Variants in TMEM132B observed in about 807,000 individuals in gnomAD.
TMEM132B encodes transmembrane protein 132B.
TMEM132B carries 18 observed loss-of-function variants against 90.8 expected under a neutral mutation model. The observed-to-expected ratio is 0.20, with a 90% CI of 0.14 to 0.29. The LOEUF (loss-of-function observed/expected upper bound fraction) is 0.29, where lower values mean the gene tolerates loss of function less well. TMEM132B is among the 10% of genes least tolerant of loss of function. The probability of loss-of-function intolerance (pLI) is 1.00; values close to 1 mark genes in which losing one functional copy is unlikely to be tolerated. For synonymous variants in TMEM132B, 504 were observed against 523.3 expected, an observed-to-expected ratio of 0.96 and a Z score of 0.50; for missense variants, 1,096 against 1,326.8, an observed-to-expected ratio of 0.83 and a Z score of 2.70.
In TMEM132B at chr12:125,439,222, G is replaced by A. The variant is rs181886720; in HGVS notation, c.1106+23545G>A. Among the ~76,000 whole-genome samples the A allele has an allele frequency of 7.4e-4, 112 of 152,138 alleles. 2 individuals carry two copies. The highest frequency in any genetic ancestry group is 1.2e-3 in the Admixed American group (19 of 15,284). On this transcript the variant is annotated intron_variant, in intron 3 of 8. Transcript: ENST00000682704. ...TGAAGAATGTGGTTTGATAGGAAGA[G>A]CATTGAATAGCATTGAATCTGCACA...
chr12:125,254,131 A>G (rs1874376164), intron 1 of TMEM132B, among the ~76,000 whole-genome samples: 1 of 152,122 alleles, frequency 6.6e-6, no homozygotes. Context: ...CTCTACAAAA[A>G]ATGCAGAAAT....
rs192119657 is a variant in TMEM132B, at chr12:125,414,360, T to G, written c.960-1171T>G. 1.3e-4 allele frequency among the ~76,000 whole-genome samples: 20 copies of G among 152,302 alleles called. No homozygotes were observed. The East Asian group carries it at 3.5e-3, about 26-fold the overall frequency. The stretch of plus-strand genomic sequence containing the variant: ...GCTGCTATGTGTGGATTTGATTAAT[T>G]AATCTTGGAGGTAATCTTTGCTTCC... On this transcript the variant is annotated intron_variant, in intron 2 of 8. Coordinates refer to ENST00000682704, the MANE Select transcript of TMEM132B (RefSeq NM_001366854.1).
intron 3 of TMEM132B, among the ~76,000 whole-genome samples, chr12:125,447,312 A>G (rs1457317814): frequency 6.6e-6 from 1 of 152,136 alleles, no homozygotes; most frequent in Non-Finnish European, 1.5e-5. Context: ...GAAGGATGAA[A>G]TAATTAAATA....
At chr12:125,203,803 T>C (rs2136059291) in intron 1 of TMEM132B, among the ~76,000 whole-genome samples, 1 of 152,332 alleles carries the variant, frequency 6.6e-6, no homozygotes, top group African/African-American at 2.4e-5. Context: ...GTATACACTA[T>C]CTATAGGGCA....
chr12:125,289,839 G>T (rs576037700), intron 1 of TMEM132B, among the ~76,000 whole-genome samples: 8 of 152,188 alleles, frequency 5.3e-5, no homozygotes, highest in Non-Finnish European at 1.2e-4. Context: ...CACTGTCTCT[G>T]GACAGAGGGA....
At chr12:125,467,853 AGCTGT>A (rs1881610096) in intron 3 of TMEM132B, among the ~76,000 whole-genome samples, 1 of 152,238 alleles carries the variant, frequency 6.6e-6, no homozygotes, top group Non-Finnish European at 1.5e-5. Context: ...TGGAATTATA[AGCTGT>A]GTGAACTTTT....
rs563034317 is a variant in TMEM132B at position 125,459,350 on chromosome 12, C to A, written c.1106+43673C>A. Among the ~76,000 whole-genome samples the A allele has an allele frequency of 2.6e-5, 4 of 152,114 alleles. No individual in the cohort carries two copies. The highest frequency in any genetic ancestry group is 9.7e-5 in the African/African-American group (4 of 41,422). On this transcript the variant is annotated intron_variant, in intron 3 of 8. Transcript: ENST00000682704. The surrounding 1 kb of genome is among the most constrained non-coding windows in gnomAD (Gnocchi z 4.1). Reference sequence around the variant, plus strand: ...GCATGCTTGTCTAGGGTCTTGCTGACGAGGGCACGTTTTCTAAAACTACCG... The same window carrying A: ...GCATGCTTGTCTAGGGTCTTGCTGAAGAGGGCACGTTTTCTAAAACTACCG...
At chr12:125,599,838 A>G (rs1001018486) in intron 5 of TMEM132B, among the ~76,000 whole-genome samples, 1 of 152,102 alleles carries the variant, frequency 6.6e-6, no homozygotes, top group Non-Finnish European at 1.5e-5. Context: ...ACTATACTCT[A>G]TTTGGTGAGT....
At chr12:125,381,098 C>A (rs1878667278) in intron 2 of TMEM132B, among the ~76,000 whole-genome samples, 1 of 152,190 alleles carries the variant, frequency 6.6e-6, no homozygotes, top group Non-Finnish European at 1.5e-5. Flanking sequence ...ATGCATAAAA[C>A]CAGCCTTAGC....
intron 2 of TMEM132B, among the ~76,000 whole-genome samples, chr12:125,384,798 G>T (rs957826676): frequency 5.3e-5 from 8 of 152,104 alleles, no homozygotes; most frequent in African/African-American, 1.7e-4. Context: ...TTACAGGAGC[G>T]TGCTACCATG....
intron 6 of TMEM132B, among the ~76,000 whole-genome samples, chr12:125,647,281 G>C (rs1244119075): frequency 6.6e-6 from 1 of 152,086 alleles, no homozygotes; most frequent in African/African-American, 2.4e-5. Flanking sequence ...AAAAGGTGTC[G>C]GGCTCAAACA....
chr12:125,580,434 A>G (rs1397172524), intron 4 of TMEM132B, among the ~76,000 whole-genome samples: 2 of 152,200 alleles, frequency 1.3e-5, no homozygotes, highest in African/African-American at 4.8e-5. Context: ...TCAGGGAACC[A>G]TTAGACAAGT....
rs759147385 is a variant in TMEM132B, at chr12:125,563,146, C to CATAATAATAATA, written c.1294-20705_1294-20704insATAATAATAATA. ...TCAGTGATCACAGGTCACCATAATGCGTAATAATAATAATAATAATAATAA... is the reference window on the plus strand; with the variant it reads ...TCAGTGATCACAGGTCACCATAATGCATAATAATAATAGTAATAATAATAATAATAATAATAA... On this transcript the variant is annotated intron_variant, in intron 4 of 8. Transcript: ENST00000682704. Among the ~76,000 whole-genome samples, 128 of 92,548 alleles carry CATAATAATAATA rather than the reference C, an allele frequency of 1.4e-3. 1 individual carries two copies. The highest frequency in any genetic ancestry group is 4.2e-3 in the African/African-American group (118 of 27,768). 60.7% of individuals were successfully genotyped at this position (92,548 alleles called of 152,430 possible). A position where few individuals can be genotyped will look rare whatever the true frequency, so the allele number is the denominator to read the frequency against.
chr12:125,524,911 T>G (rs1162137681), intron 4 of TMEM132B, among the ~76,000 whole-genome samples: 2 of 152,140 alleles, frequency 1.3e-5, no homozygotes, highest in East Asian at 3.9e-4. Flanking sequence ...TCCTACTGTT[T>G]GAGAGGGTCA....
rs193013434 is a variant in TMEM132B, at chr12:125,595,681, T to G, written c.1437+11687T>G. On this transcript the variant is annotated intron_variant, in intron 5 of 8. Transcript: ENST00000682704. ...CACATTTTACAGACAAGATATCTGA[T>G]GCACAGGGAAGTTAATCACTATCAC... 1.2e-3 allele frequency among the ~76,000 whole-genome samples: 180 copies of G among 152,326 alleles called. 1 individual carries two copies. The highest frequency in any genetic ancestry group is 4.1e-3 in the African/African-American group (171 of 41,576).
At chr12:125,261,013 C>T (rs1433031950) in intron 1 of TMEM132B, among the ~76,000 whole-genome samples, 1 of 151,748 alleles carries the variant, frequency 6.6e-6, no homozygotes, top group African/African-American at 2.4e-5. Flanking sequence ...GTGTGCCATC[C>T]AGTCATCTTC....
intron 1 of TMEM132B, among the ~76,000 whole-genome samples, chr12:125,193,327 A>G (rs1180075097): frequency 3.9e-5 from 6 of 152,168 alleles, no homozygotes; most frequent in Non-Finnish European, 7.4e-5. Context: ...CCCAGAGCTC[A>G]TGACTTCTGC....
At chr12:125,221,306 A>T (rs1873552116) in intron 1 of TMEM132B, among the ~76,000 whole-genome samples, 1 of 152,206 alleles carries the variant, frequency 6.6e-6, no homozygotes, top group Non-Finnish European at 1.5e-5. Context: ...TTCTGTGAGC[A>T]CTTACTTTGT....
At position 125,406,927 on chromosome 12, in the gene TMEM132B, G is replaced by A. The variant is rs768016360; in HGVS notation, c.960-8604G>A. Among the ~76,000 whole-genome samples the A allele has an allele frequency of 8.5e-5, 13 of 152,224 alleles. No individual in the cohort carries two copies. Among genetic ancestry groups the A allele is most frequent in the Non-Finnish European group, 1.6e-4 (11 of 68,042 alleles). On this transcript the variant is annotated intron_variant, in intron 2 of 8. Transcript: ENST00000682704. This position sits in a 1 kb window ranked among gnomAD's most constrained non-coding sequence, Gnocchi z 8.3. The stretch of plus-strand genomic sequence containing the variant: ...GTGCATAGAGTAGGATCCAGTAGAG[G>A]TCCAGGGCAAGCTCCCAGTTGACCT...
Sources: gnomAD v4.1 joint callset for allele counts (sites outside exome capture counted in the v4.1 genomes callset) on GRCh38, gnomAD v4.1.1 for gene constraint, Gnocchi (gnomAD v3.1) non-coding constraint, MANE v1.5 for transcripts, NCBI Gene and HGNC (gene_info 2026-07-23, HGNC 2026-07-21) for gene names.